Variants in LDB2 observed in about 807,000 individuals in gnomAD.
LDB2 encodes LIM domain binding 2, also known as LIM domain-binding protein 2.
LDB2 carries 12 observed loss-of-function variants against 44.3 expected under a neutral mutation model. That is an observed-to-expected ratio of 0.27 (90% CI 0.17 to 0.44). The LOEUF is 0.44. Ranked by LOEUF, LDB2 falls within the 20% of genes least tolerant of loss-of-function variation. LDB2 has a pLI of 1.00. For synonymous variants in LDB2, 164 were observed against 174.8 expected, an observed-to-expected ratio of 0.94 and a Z score of 0.49; for missense variants, 344 against 473.5, an observed-to-expected ratio of 0.73 and a Z score of 2.54.
intron 5 of LDB2, among the ~76,000 whole-genome samples, chr4:16,584,912 C>T (rs1403302491): frequency 6.6e-6 from 1 of 152,342 alleles, no homozygotes; most frequent in Non-Finnish European, 1.5e-5. Context: ...GGGTGAGTGA[C>T]CAAGTCTAGG....
chr4:16,715,097 G>A (rs1756797766), intron 2 of LDB2, among the ~76,000 whole-genome samples: 1 of 152,112 alleles, frequency 6.6e-6, no homozygotes, highest in Non-Finnish European at 1.5e-5. Flanking sequence ...GCCTTATCAT[G>A]CTTAACCCAC....
At chr4:16,754,320 C>T (rs888379469) in intron 2 of LDB2, among the ~76,000 whole-genome samples, 2 of 152,180 alleles carry the variant, frequency 1.3e-5, no homozygotes, top group Non-Finnish European at 2.9e-5. Flanking sequence ...TCCCACCTGG[C>T]CAGGGAGCCT....
intron 5 of LDB2, among the ~76,000 whole-genome samples, chr4:16,563,296 G>C (rs1743120084): frequency 6.6e-6 from 1 of 151,360 alleles, no homozygotes; most frequent in African/African-American, 2.4e-5. Context: ...GTTTCTATCT[G>C]TGATTTTTTT....
At chr4:16,673,016 C>T (rs889774254) in intron 2 of LDB2, among the ~76,000 whole-genome samples, 13 of 151,440 alleles carry the variant, frequency 8.6e-5, no homozygotes, top group Admixed American at 5.3e-4. Flanking sequence ...CTTTCTCTCT[C>T]GTTCCTTCTC....
rs1358317976 is a variant in LDB2 at position 16,502,363 on chromosome 4, A to G, written c.*280T>C. The G allele has an allele frequency of 2.4e-6, 1 of 418,396 alleles. No individual in the cohort carries two copies. The highest frequency in any genetic ancestry group is 4.3e-6 in the Non-Finnish European group (1 of 231,338). 25.9% of individuals were successfully genotyped at this position (418,396 alleles called of 1,614,324 possible). ...ACAAACACGTTGTTAAAACCGTGCC[A>G]GAAGATGCGCTAGAGTTTTCTCTCA... On this transcript the variant is annotated 3_prime_UTR_variant, in exon 8 of 8. Transcript: ENST00000304523.
chr4:16,879,238 G>C (rs994709797), intron 1 of LDB2, among the ~76,000 whole-genome samples: 1 of 152,196 alleles, frequency 6.6e-6, no homozygotes, highest in African/African-American at 2.4e-5. Context: ...AACATTCAAA[G>C]ACCTCTGACA....
At chr4:16,566,579 A>G (rs552160308) in intron 5 of LDB2, among the ~76,000 whole-genome samples, 3 of 152,254 alleles carry the variant, frequency 2.0e-5, no homozygotes, top group African/African-American at 7.2e-5. Context: ...GTGGCATTAG[A>G]AAACATAGAA....
intron 5 of LDB2, among the ~76,000 whole-genome samples, chr4:16,585,114 C>T (rs888755496): frequency 2.0e-5 from 3 of 152,316 alleles, no homozygotes; most frequent in South Asian, 2.1e-4. Context: ...TAGACCATCA[C>T]GCCCCAGGCC....
chr4:16,617,454 A>G (rs1727652862), intron 2 of LDB2, among the ~76,000 whole-genome samples: 1 of 152,218 alleles, frequency 6.6e-6, no homozygotes, highest in Non-Finnish European at 1.5e-5. Flanking sequence ...AGTAAGCTGG[A>G]TCCTGAACAA....
chr4:16,805,797 C>T (rs1324716466), intron 1 of LDB2, among the ~76,000 whole-genome samples: 1 of 152,174 alleles, frequency 6.6e-6, no homozygotes, highest in African/African-American at 2.4e-5. Flanking sequence ...CAGGTGGAGC[C>T]TATTGCCTGA....
At chr4:16,509,021 G>T (rs1480591051) in intron 6 of LDB2, among the ~76,000 whole-genome samples, 3 of 152,096 alleles carry the variant, frequency 2.0e-5, no homozygotes, top group Non-Finnish European at 4.4e-5. Flanking sequence ...TTTGCCATTA[G>T]AAAATTTGGG....
At chr4:16,688,847 T>C (rs987965421) in intron 2 of LDB2, among the ~76,000 whole-genome samples, 2 of 152,382 alleles carry the variant, frequency 1.3e-5, no homozygotes, top group South Asian at 2.1e-4. Context: ...CTAATATGTA[T>C]GTTATTTTCA....
At chr4:16,540,560 G>C (rs1027185663) in intron 5 of LDB2, among the ~76,000 whole-genome samples, 2 of 152,090 alleles carry the variant, frequency 1.3e-5, no homozygotes, top group African/African-American at 4.8e-5. Context: ...GGACCACTTA[G>C]AGTCGCTGGC....
chr4:16,554,297 G>A lies in LDB2; in HGVS notation c.615+31625C>T, dbSNP rs541123609. 1.1e-4 allele frequency among the ~76,000 whole-genome samples: 17 copies of A among 152,084 alleles called. No homozygotes were observed. In the East Asian group the frequency reaches 2.3e-3, roughly 21 times the overall value. On this transcript the variant is annotated intron_variant, in intron 5 of 7. Coordinates refer to ENST00000304523, the MANE Select transcript of LDB2 (RefSeq NM_001290.5). Reference sequence around the variant, plus strand: ...ACTCCCAGCCTCAGGTGATCCACCCGCCTCGGCCCCCCAAAGTGCTGGGAT... The same window carrying A: ...ACTCCCAGCCTCAGGTGATCCACCCACCTCGGCCCCCCAAAGTGCTGGGAT...
intron 1 of LDB2, among the ~76,000 whole-genome samples, chr4:16,823,998 A>T (rs184066610): frequency 6.6e-6 from 1 of 152,366 alleles, no homozygotes; most frequent in East Asian, 1.9e-4. Context: ...ACACCACATC[A>T]CAACACAAGT....
intron 1 of LDB2, among the ~76,000 whole-genome samples, chr4:16,819,093 TGTGTGTGTG>T (rs1561337344): frequency 0.14 from 934 of 6,572 alleles, 12 homozygotes; most frequent in Admixed American, 0.15. Flanking sequence ...TGTGGTTGCT[TGTGTGTGTG>T]TGTGTGTGTG....
intron 1 of LDB2, among the ~76,000 whole-genome samples, chr4:16,882,393 C>T (rs556213985): frequency 1.3e-5 from 2 of 152,284 alleles, no homozygotes; most frequent in South Asian, 4.1e-4. Context: ...TCCTTTTCAG[C>T]AGAGTTCTTT....
At chr4:16,613,629 C>T (rs1290993474) in intron 2 of LDB2, among the ~76,000 whole-genome samples, 2 of 152,108 alleles carry the variant, frequency 1.3e-5, no homozygotes, top group Non-Finnish European at 2.9e-5. Flanking sequence ...CAACAATAGG[C>T]ATGCAGAGAG....
At chr4:16,775,385 A>G (rs368279304) in intron 1 of LDB2, among the ~76,000 whole-genome samples, 1 of 152,200 alleles carries the variant, frequency 6.6e-6, no homozygotes, top group South Asian at 2.1e-4. Context: ...GACATCAATG[A>G]CATTATTCTT....
Sources: gnomAD v4.1 joint callset for allele counts (sites outside exome capture counted in the v4.1 genomes callset) on GRCh38, gnomAD v4.1.1 for gene constraint, MANE v1.5 for transcripts, NCBI Gene and HGNC (gene_info 2026-07-23, HGNC 2026-07-21) for gene names.